Variants in SP140 observed in about 807,000 individuals in gnomAD.
SP140 encodes the protein nuclear body protein SP140.
A neutral mutation model predicts 125.0 loss-of-function variants in SP140; 81 were observed. That is an observed-to-expected ratio of 0.65 (90% CI 0.54 to 0.78). The LOEUF (loss-of-function observed/expected upper bound fraction) is 0.78, where lower values mean the gene tolerates loss of function less well. Among genes scored for constraint, SP140 ranks in the 30% least tolerant of loss-of-function variants. The pLI, the probability that SP140 is intolerant of heterozygous loss-of-function variation, is 0.00. For missense variants in SP140, 858 were observed against 1,037.0 expected, an observed-to-expected ratio of 0.83 and a Z score of 2.37; for synonymous variants, 312 against 354.0, an observed-to-expected ratio of 0.88 and a Z score of 1.33.
chr2:230,266,907 A>G (rs945954717), intron 12 of SP140, among the ~76,000 whole-genome samples: 1 of 152,220 alleles, frequency 6.6e-6, no homozygotes, highest in Non-Finnish European at 1.5e-5. Flanking sequence ...AGGTTAAACC[A>G]GATCCACTCT....
chr2:230,236,004 G>A (rs1052714902), intron 1 of SP140, among the ~76,000 whole-genome samples: 2 of 150,912 alleles, frequency 1.3e-5, no homozygotes, highest in Non-Finnish European at 2.9e-5. Flanking sequence ...AGCCTCTCGA[G>A]TAGCTGGGAC....
chr2:230,266,579 A>G (rs776586384), intron 12 of SP140, among the ~76,000 whole-genome samples: 8 of 152,232 alleles, frequency 5.3e-5, no homozygotes, highest in Admixed American at 4.6e-4. Flanking sequence ...TTCTCTGCTT[A>G]GAGTCTCCTT....
chr2:230,267,233 C>T (rs1281251080), intron 12 of SP140, among the ~76,000 whole-genome samples: 2 of 152,074 alleles, frequency 1.3e-5, no homozygotes, highest in Non-Finnish European at 2.9e-5. Context: ...TGAGGTATAC[C>T]TATTTTGTTT....
At chr2:230,228,359 T>C (rs562199729) in intron 1 of SP140, among the ~76,000 whole-genome samples, 3 of 152,362 alleles carry the variant, frequency 2.0e-5, no homozygotes, top group South Asian at 4.1e-4. Flanking sequence ...ACATGCATTC[T>C]GCTATTGTTA....
chr2:230,204,851 T>A (rs1314717843), intron 1 of SP140, among the ~76,000 whole-genome samples: 7 of 151,294 alleles, frequency 4.6e-5, no homozygotes, highest in Non-Finnish European at 7.4e-5. Flanking sequence ...TTATGGGGAG[T>A]AGTGTAGGTT....
At chr2:230,208,041 C>T (rs754775004) in intron 1 of SP140, 1 of 1,559,444 alleles carries the variant, frequency 6.4e-7, no homozygotes, top group Non-Finnish European at 8.8e-7. Context: ...TGACCAGATA[C>T]ATCTTTTTCT....
At chr2:230,206,943 A>C (rs1328642073) in intron 1 of SP140, among the ~76,000 whole-genome samples, 1 of 152,056 alleles carries the variant, frequency 6.6e-6, no homozygotes, top group African/African-American at 2.4e-5. Context: ...ATCCTAAAGT[A>C]CCAGGAAAAC....
upstream of SP140, among the ~76,000 whole-genome samples, chr2:230,221,288 A>G (rs1474488763): frequency 6.6e-6 from 1 of 152,050 alleles, no homozygotes; most frequent in Non-Finnish European, 1.5e-5. Context: ...CTCGAAAAAA[A>G]AAAAAAAAAA....
chr2:230,286,505 G>A (rs1355262057), intron 17 of SP140, among the ~76,000 whole-genome samples: 1 of 152,216 alleles, frequency 6.6e-6, no homozygotes, highest in Non-Finnish European at 1.5e-5. Context: ...TGCCTGACAG[G>A]TGCAGCCGTG....
chr2:230,275,595 C>T (rs890243066), intron 15 of SP140, among the ~76,000 whole-genome samples: 5 of 152,080 alleles, frequency 3.3e-5, no homozygotes, highest in African/African-American at 1.2e-4. Flanking sequence ...TTTCCTCTTT[C>T]CTGAGACAAA....
intron 12 of SP140, among the ~76,000 whole-genome samples, chr2:230,255,844 A>G (rs1252310451): frequency 6.6e-6 from 1 of 152,110 alleles, no homozygotes; most frequent in Admixed American, 6.5e-5. Flanking sequence ...ATGCCTTTCA[A>G]TACTACAGTA....
chr2:230,227,498 G>A (rs529348414), intron 1 of SP140, among the ~76,000 whole-genome samples: 2 of 152,310 alleles, frequency 1.3e-5, no homozygotes, highest in South Asian at 4.1e-4. Context: ...AAATTGGGGA[G>A]GATGATGTCA....
chr2:230,188,921 A>G, the SP140 span, among the ~76,000 whole-genome samples: 1 of 152,062 alleles, frequency 6.6e-6, no homozygotes, highest in Non-Finnish European at 1.5e-5. Flanking sequence ...TTTATTCCCA[A>G]TTTAATCTAG....
chr2:230,195,837 A>T, the SP140 span, among the ~76,000 whole-genome samples: 1 of 152,294 alleles, frequency 6.6e-6, no homozygotes, highest in East Asian at 1.9e-4. Flanking sequence ...CGACACTATT[A>T]AAGCAAAAAC....
chr2:230,304,975 A>G (rs922449641), intron 22 of SP140, among the ~76,000 whole-genome samples: 1 of 152,230 alleles, frequency 6.6e-6, no homozygotes, highest in Admixed American at 6.5e-5. Flanking sequence ...GACAACCCAC[A>G]GAGTAGGAGA....
intron 1 of SP140, among the ~76,000 whole-genome samples, chr2:230,204,003 T>C (rs1224671380): frequency 6.6e-6 from 1 of 152,108 alleles, no homozygotes; most frequent in Non-Finnish European, 1.5e-5. Flanking sequence ...TTTTATGTCA[T>C]GTGTATTTTA....
upstream of SP140, among the ~76,000 whole-genome samples, chr2:230,201,162 C>A (rs1261416999): frequency 6.6e-6 from 1 of 152,170 alleles, no homozygotes; most frequent in Non-Finnish European, 1.5e-5. Context: ...GAGGAGCAGA[C>A]CGCAGTTGGT....
At chr2:230,292,594 C>T in intron 19 of SP140, 52 bp from the exon 20 acceptor site, 2 of 1,611,368 alleles carry the variant, frequency 1.2e-6, no homozygotes, top group Non-Finnish European at 1.7e-6. Flanking sequence ...TGGCCATAGT[C>T]TGTGCGCTGG....
chr2:230,251,890 G>C (rs1157634287), intron 10 of SP140, among the ~76,000 whole-genome samples: 1 of 152,086 alleles, frequency 6.6e-6, no homozygotes, highest in Non-Finnish European at 1.5e-5. Context: ...TGTGACACCG[G>C]TGTTTGTTAA....
Sources: gnomAD v4.1 joint callset for allele counts (sites outside exome capture counted in the v4.1 genomes callset) on GRCh38, gnomAD v4.1.1 for gene constraint, MANE v1.5 for transcripts, NCBI Gene and HGNC (gene_info 2026-07-23, HGNC 2026-07-21) for gene names.